Variants in PCDH11X observed in about 807,000 individuals in gnomAD.
PCDH11X encodes protocadherin-11 X-linked.
In PCDH11X, 18 loss-of-function variants were observed where a neutral mutation model predicts 53.3. The ratio of observed to expected loss-of-function variants is 0.34; its 90% CI spans 0.23 to 0.50. PCDH11X has a LOEUF of 0.50. Among genes scored for constraint, PCDH11X ranks in the 20% least tolerant of loss-of-function variants. The pLI is 0.98. For synonymous variants in PCDH11X, 279 were observed against 393.3 expected, an observed-to-expected ratio of 0.71 and a Z score of 3.44; for missense variants, 570 against 1,032.4, an observed-to-expected ratio of 0.55 and a Z score of 6.14.
chrX:92,613,534 TG>T (rs1227662674), intron 10 of PCDH11X, among the ~76,000 whole-genome samples: 32 of 95,385 alleles, frequency 3.4e-4, no homozygotes, highest in Non-Finnish European at 5.3e-4. Flanking sequence ...GTTTTTTTGT[TG>T]TTGTTGTTGT....
chrX:91,974,953 T>C (rs2062026181), intron 6 of PCDH11X, among the ~76,000 whole-genome samples: 1 of 110,429 alleles, frequency 9.1e-6, no homozygotes, highest in African/African-American at 3.3e-5. Context: ...GGTTTCTCCA[T>C]GTTGGTCAGG....
chrX:92,092,321 C>T (rs35016851), intron 6 of PCDH11X, among the ~76,000 whole-genome samples: 5 of 111,414 alleles, frequency 4.5e-5, no homozygotes, highest in East Asian at 2.8e-4. Context: ...GGAACACAAA[C>T]GTATATAGTA....
At chrX:92,031,230 A>T (rs944399255) in intron 6 of PCDH11X, among the ~76,000 whole-genome samples, 6 of 110,260 alleles carry the variant, frequency 5.4e-5, no homozygotes, top group African/African-American at 2.0e-4. Flanking sequence ...TTGTCTAACA[A>T]TCAACGTTGA....
At chrX:92,397,888 C>T (rs1449409446) in intron 9 of PCDH11X, among the ~76,000 whole-genome samples, 3 of 111,624 alleles carry the variant, frequency 2.7e-5, no homozygotes, top group Non-Finnish European at 5.6e-5. Flanking sequence ...AATTTCTCTT[C>T]CCCCAGTTGA....
At chrX:92,404,034 C>A (rs1015127137) in intron 9 of PCDH11X, among the ~76,000 whole-genome samples, 4 of 108,523 alleles carry the variant, frequency 3.7e-5, no homozygotes, top group African/African-American at 1.0e-4. Flanking sequence ...AAGCATAATT[C>A]TTTTGGATAA....
chrX:92,067,141 G>A (rs1433264181), intron 6 of PCDH11X, among the ~76,000 whole-genome samples: 2 of 110,885 alleles, frequency 1.8e-5, no homozygotes, highest in Non-Finnish European at 3.8e-5. Flanking sequence ...AATAAATTTG[G>A]ATGTCCTTTA....
intron 8 of PCDH11X, among the ~76,000 whole-genome samples, chrX:92,340,144 A>G (rs2069719200): frequency 1.8e-5 from 2 of 111,828 alleles, no homozygotes; most frequent in Non-Finnish European, 3.8e-5. Context: ...CTTTGACTTC[A>G]TGTCCCACAT....
intron 5 of PCDH11X, among the ~76,000 whole-genome samples, chrX:91,848,625 A>G (rs1937829552): frequency 8.9e-6 from 1 of 111,982 alleles, no homozygotes; most frequent in Non-Finnish European, 1.9e-5. Context: ...AACAATACAA[A>G]ATGTGCTGTC....
At chrX:92,252,211 A>C (rs1427718072) in intron 7 of PCDH11X, among the ~76,000 whole-genome samples, 1 of 111,199 alleles carries the variant, frequency 9.0e-6, no homozygotes, top group African/African-American at 3.3e-5. Flanking sequence ...TGGTAGTTAT[A>C]TTTATTTAAA....
At chrX:92,368,496 T>C (rs1027174925) in intron 8 of PCDH11X, among the ~76,000 whole-genome samples, 1 of 111,730 alleles carries the variant, frequency 9.0e-6, no homozygotes, top group African/African-American at 3.3e-5. Flanking sequence ...CCTACTTCTG[T>C]CAATTTGTCA....
intron 8 of PCDH11X, among the ~76,000 whole-genome samples, chrX:92,311,554 A>T (rs954913826): frequency 4.5e-5 from 5 of 111,781 alleles, no homozygotes; most frequent in Non-Finnish European, 9.4e-5. Context: ...TTGAAAGTTA[A>T]TTCTCAAAGA....
chrX:91,800,245 T>A (rs1043755125), intron 1 of PCDH11X, among the ~76,000 whole-genome samples: 7 of 111,229 alleles, frequency 6.3e-5, no homozygotes, highest in Non-Finnish European at 1.3e-4. Flanking sequence ...TTACTGCAGT[T>A]CACTCTGTTT....
chrX:92,353,680 A>G (rs920155538), intron 8 of PCDH11X, among the ~76,000 whole-genome samples: 12 of 108,770 alleles, frequency 1.1e-4, no homozygotes, highest in South Asian at 8.1e-4. Context: ...CCTATGGGGT[A>G]CATATAGTAA....
intron 10 of PCDH11X, among the ~76,000 whole-genome samples, chrX:92,587,431 C>A (rs756498812): frequency 9.0e-6 from 1 of 110,521 alleles, no homozygotes; most frequent in African/African-American, 3.3e-5. Context: ...GGGATTTTCT[C>A]TATTACTTAA....
At chrX:92,021,451 T>C (rs2062882467) in intron 6 of PCDH11X, among the ~76,000 whole-genome samples, 1 of 108,627 alleles carries the variant, frequency 9.2e-6, no homozygotes, top group Non-Finnish European at 1.9e-5. Context: ...TGATATAAGA[T>C]ATGCAGAGAA....
chrX:92,211,867 C>T (rs1392970514), intron 7 of PCDH11X, among the ~76,000 whole-genome samples: 4 of 111,502 alleles, frequency 3.6e-5, no homozygotes, highest in African/African-American at 1.3e-4. Flanking sequence ...AAGGTCAACA[C>T]TAGTGTCTTT....
intron 10 of PCDH11X, among the ~76,000 whole-genome samples, chrX:92,518,799 C>G (rs1178128367): frequency 1.1e-5 from 1 of 92,865 alleles, no homozygotes; most frequent in Non-Finnish European, 2.1e-5. Context: ...CTCTGTCGCC[C>G]AGGCTGGAGT....
intron 6 of PCDH11X, among the ~76,000 whole-genome samples, chrX:91,981,073 C>T (rs1294960308): frequency 4.0e-5 from 4 of 99,625 alleles, no homozygotes; most frequent in African/African-American, 1.5e-4. Flanking sequence ...TATTTATATA[C>T]ACTGAATATA....
chrX:92,368,419 T>C (rs1350030603), intron 8 of PCDH11X, among the ~76,000 whole-genome samples: 1 of 111,806 alleles, frequency 8.9e-6, no homozygotes, highest in Non-Finnish European at 1.9e-5. Context: ...GGTTCTTAGC[T>C]TCCTTGCATT....
Sources: allele counts gnomAD v4.1 joint callset (sites outside exome capture counted in the v4.1 genomes callset), GRCh38; gene constraint gnomAD v4.1.1; transcripts MANE v1.5; gene names NCBI Gene and HGNC (gene_info 2026-07-23, HGNC 2026-07-21).